The following AKT3 variants were observed in gnomAD, a reference collection of about 807,000 sequenced individuals.
AKT3 encodes AKT serine/threonine kinase 3, also known as RAC-gamma serine/threonine-protein kinase.
Under a neutral mutation model 65.3 loss-of-function variants are expected in AKT3, and 15 were observed. That is an observed-to-expected ratio of 0.23 (90% CI 0.15 to 0.35). The LOEUF is 0.35. Among genes scored for constraint, AKT3 ranks in the 10% least tolerant of loss-of-function variants. AKT3 has a pLI of 1.00. For missense variants in AKT3, 243 were observed against 576.5 expected, an observed-to-expected ratio of 0.42 and a Z score of 5.92; for synonymous variants, 206 against 183.8, an observed-to-expected ratio of 1.12 and a Z score of -0.98.
intron 2 of AKT3, among the ~76,000 whole-genome samples, chr1:243,819,064 T>TGCCAA (rs1460188068): frequency 3.9e-5 from 6 of 152,244 alleles, no homozygotes; most frequent in Non-Finnish European, 1.5e-5. Flanking sequence ...ACCAGGGCCT[T>TGCCAA]GCGTGCCAAG....
At chr1:243,820,809 T>A (rs1277048623) in intron 2 of AKT3, among the ~76,000 whole-genome samples, 1 of 152,172 alleles carries the variant, frequency 6.6e-6, no homozygotes, top group African/African-American at 2.4e-5. Flanking sequence ...TATGACTGAT[T>A]AGGGTACCTG....
At position 243,843,262 on chromosome 1, in the gene AKT3, A is replaced by T; in HGVS notation, c.-92T>A. 1 of 1,525,084 alleles carries T rather than the reference A, an allele frequency of 6.6e-7. No individual in the cohort carries two copies. The highest frequency in any genetic ancestry group is 8.8e-7 in the Non-Finnish European group (1 of 1,130,818). The allele number at this position is 1,525,084 out of a possible 1,614,324, so 94.5% of individuals were successfully genotyped here. On this transcript the variant is annotated 5_prime_UTR_variant, in exon 2 of 14. Transcript: ENST00000673466. ...ATTCTCTGCTGCTGCTGCCCTTCCC[A>T]CTCTCTAGTGATGACTCAGCCTGGA...
At chr1:243,849,441 G>C (rs981736841) in intron 1 of AKT3, among the ~76,000 whole-genome samples, 1 of 148,716 alleles carries the variant, frequency 6.7e-6, no homozygotes, top group Non-Finnish European at 1.5e-5. Flanking sequence ...TGGCGGGGAA[G>C]GGTGGGGGAA....
chr1:243,561,791 T>C (rs1056862054), intron 10 of AKT3, among the ~76,000 whole-genome samples: 12 of 152,172 alleles, frequency 7.9e-5, no homozygotes, highest in Admixed American at 5.2e-4. Context: ...GTACCATCAC[T>C]TTCCATCAAC....
At chr1:243,654,493 G>A (rs1681615639) in intron 4 of AKT3, among the ~76,000 whole-genome samples, 1 of 152,100 alleles carries the variant, frequency 6.6e-6, no homozygotes, top group African/African-American at 2.4e-5. Flanking sequence ...ATTGGAGGGT[G>A]AAGGGAGTAG....
rs749484115 is a variant in AKT3, at chr1:243,733,613, T to C, written c.47-37897A>G. Among the ~76,000 whole-genome samples, 205 of 152,334 alleles carry C rather than the reference T, an allele frequency of 1.3e-3. 2 individuals are homozygous for C. The highest frequency in any genetic ancestry group is 2.0e-3 in the Non-Finnish European group (138 of 68,016). On this transcript the variant is annotated intron_variant, in intron 2 of 13. Transcript: ENST00000673466. ...AATCAAAATCTATATACAAGTTATA[T>C]CTCAGAGACCTTTTGGGTTCAGTTA...
At chr1:243,569,215 A>G (rs1390429466) in intron 9 of AKT3, among the ~76,000 whole-genome samples, 1 of 152,240 alleles carries the variant, frequency 6.6e-6, no homozygotes, top group Admixed American at 6.5e-5. Context: ...CTGAATGACC[A>G]TGGAATGCTG....
downstream of AKT3, among the ~76,000 whole-genome samples, chr1:243,497,942 A>G (rs1471397996): frequency 6.6e-6 from 1 of 152,154 alleles, no homozygotes; most frequent in East Asian, 1.9e-4. Flanking sequence ...CCAGCCTCCC[A>G]AAGCACTGGG....
chr1:243,730,283 C>T (rs899774283), intron 2 of AKT3, among the ~76,000 whole-genome samples: 33 of 152,190 alleles, frequency 2.2e-4, no homozygotes, highest in African/African-American at 8.0e-4. Flanking sequence ...TTAGGAGCTG[C>T]CCGCTTTGGG....
intron 11 of AKT3, among the ~76,000 whole-genome samples, chr1:243,551,131 C>A (rs1232133355): frequency 6.6e-6 from 1 of 151,888 alleles, no homozygotes; most frequent in Non-Finnish European, 1.5e-5. Context: ...TAAGAAATAC[C>A]AAATAGGCAC....
Position 243,843,478 on chromosome 1 carries a change from T to C in AKT3, c.-112-196A>G, listed in dbSNP as rs1695372398. The C allele has an allele frequency of 1.9e-5, 20 of 1,079,094 alleles. No homozygotes were observed. The South Asian group carries it at 6.5e-4, about 35-fold the overall frequency. 66.8% of individuals were successfully genotyped at this position (1,079,094 alleles called of 1,614,324 possible). ...CCCTAGTCTTGTGACCAATTTCAAA[T>C]GATAGTGAAACTTTTAACCTAAGAG... On this transcript the variant is annotated intron_variant, in intron 1 of 13. Coordinates refer to ENST00000673466, the MANE Select transcript of AKT3 (RefSeq NM_005465.7).
chr1:243,564,657 A>G (rs1674024276), intron 9 of AKT3, among the ~76,000 whole-genome samples: 1 of 152,178 alleles, frequency 6.6e-6, no homozygotes, highest in Non-Finnish European at 1.5e-5. Flanking sequence ...TGAACCTAAG[A>G]TTATGATTAT....
chr1:243,561,355 G>A (rs983849975), intron 10 of AKT3, among the ~76,000 whole-genome samples: 10 of 152,094 alleles, frequency 6.6e-5, no homozygotes, highest in East Asian at 1.9e-4. Context: ...TAAAAATTAC[G>A]ATTATTTATA....
chr1:243,699,851 AACTGAAC>A (rs1208115848), intron 2 of AKT3, among the ~76,000 whole-genome samples: 2 of 151,980 alleles, frequency 1.3e-5, no homozygotes, highest in East Asian at 3.9e-4. Context: ...TTTAAGAGTA[AACTGAAC>A]ACACAGAGAA....
chr1:243,602,112 T>C (rs951272180), intron 8 of AKT3, among the ~76,000 whole-genome samples: 4 of 152,340 alleles, frequency 2.6e-5, no homozygotes, highest in African/African-American at 9.6e-5. Flanking sequence ...GCATGTTACA[T>C]GTTGAGGCTT....
intron 3 of AKT3, among the ~76,000 whole-genome samples, chr1:243,668,077 GT>G (rs1301273360): frequency 3.3e-5 from 5 of 152,204 alleles, no homozygotes; most frequent in South Asian, 2.1e-4. Context: ...TTGATATGAA[GT>G]TTTTTAGTAT....
intron 2 of AKT3, among the ~76,000 whole-genome samples, chr1:243,713,104 G>A (rs1309728765): frequency 2.6e-5 from 4 of 152,120 alleles, no homozygotes; most frequent in South Asian, 4.1e-4. Flanking sequence ...GAAACAAATC[G>A]ATTCAGTTTA....
intron 2 of AKT3, among the ~76,000 whole-genome samples, chr1:243,832,120 TAAAAAAAAAAAAAAAAAAAAAAAA>T (rs869235352): frequency 0.048 from 2,147 of 44,800 alleles, 90 homozygotes; most frequent in African/African-American, 0.16. Context: ...TCCCTAAAAC[TAAAAAAAAAAAAAAAAAAAAAAAA>T]AAAAAAAAAA....
intron 8 of AKT3, among the ~76,000 whole-genome samples, chr1:243,584,221 G>T (rs1019387499): frequency 1.3e-5 from 2 of 152,094 alleles, no homozygotes; most frequent in African/African-American, 4.8e-5. Context: ...AGAGGAAATG[G>T]ATAAATTCCT....
Sources: allele counts gnomAD v4.1 joint callset (sites outside exome capture counted in the v4.1 genomes callset), GRCh38; gene constraint gnomAD v4.1.1; transcripts MANE v1.5; gene names NCBI Gene and HGNC (gene_info 2026-07-23, HGNC 2026-07-21).